Variants in LRCH1 observed in about 807,000 individuals in gnomAD.
The protein encoded by LRCH1 is leucine-rich repeat and calponin homology domain-containing protein 1.
Under a neutral mutation model 94.9 loss-of-function variants are expected in LRCH1, and 23 were observed. The observed-to-expected ratio is 0.24, with a 90% CI of 0.17 to 0.34. The LOEUF (loss-of-function observed/expected upper bound fraction) is 0.34, where lower values mean the gene tolerates loss of function less well. LRCH1 is among the 10% of genes least tolerant of loss of function. The pLI is 1.00. For missense variants in LRCH1, 790 were observed against 945.9 expected (o/e 0.84, Z 2.16); for synonymous variants, 364 against 354.9 (o/e 1.03, Z -0.29).
At chr13:46,621,519 T>C (rs2050879543) in intron 1 of LRCH1, among the ~76,000 whole-genome samples, 2 of 152,184 alleles carry the variant, frequency 1.3e-5, no homozygotes, top group African/African-American at 4.8e-5. Context: ...AATGGGTTAA[T>C]TGCAGTGGCA....
At chr13:46,683,320 A>G (rs1187152330) in intron 4 of LRCH1, among the ~76,000 whole-genome samples, 2 of 152,244 alleles carry the variant, frequency 1.3e-5, no homozygotes, top group South Asian at 2.1e-4. Context: ...TCCGCTTGCC[A>G]TCTTTCACCT....
exon 19 of LRCH1, chr13:46,750,734 C>A: frequency 1.2e-6 from 1 of 837,642 alleles, no homozygotes; most frequent in Non-Finnish European, 1.9e-6. Flanking sequence ...TCAACCCTCT[C>A]TCCCACCCAC....
intron 1 of LRCH1, among the ~76,000 whole-genome samples, chr13:46,641,416 C>T (rs1006289822): frequency 6.6e-6 from 1 of 152,154 alleles, no homozygotes; most frequent in Non-Finnish European, 1.5e-5. Context: ...AGGTTCCATG[C>T]ACTTTTGTGG....
At chr13:46,575,895 C>T (rs907624800) in intron 1 of LRCH1, among the ~76,000 whole-genome samples, 1 of 151,972 alleles carries the variant, frequency 6.6e-6, no homozygotes, top group Non-Finnish European at 1.5e-5. Flanking sequence ...ATTGAGAAGT[C>T]CAGAGGGAGA....
intron 3 of LRCH1, among the ~76,000 whole-genome samples, chr13:46,675,305 T>G (rs1439097176): frequency 1.3e-5 from 2 of 152,204 alleles, no homozygotes; most frequent in African/African-American, 4.8e-5. Flanking sequence ...AAGAAGAGTT[T>G]TCTCATTGGT....
chr13:46,666,257 A>C (rs2051514235), intron 2 of LRCH1, among the ~76,000 whole-genome samples: 1 of 152,248 alleles, frequency 6.6e-6, no homozygotes, highest in Non-Finnish European at 1.5e-5. Flanking sequence ...CCCCTCAAAG[A>C]GACCATGAAT....
At chr13:46,716,552 A>T (rs1424456748) in intron 16 of LRCH1, among the ~76,000 whole-genome samples, 3 of 152,222 alleles carry the variant, frequency 2.0e-5, no homozygotes, top group Non-Finnish European at 4.4e-5. Flanking sequence ...CAATGCAAAC[A>T]CAATGGAAAG....
chr13:46,621,181 T>C (rs762891691), intron 1 of LRCH1, among the ~76,000 whole-genome samples: 3 of 152,240 alleles, frequency 2.0e-5, no homozygotes, highest in Non-Finnish European at 4.4e-5. Flanking sequence ...GTGAATCAGA[T>C]ATTTCTCTGC....
In LRCH1 at chr13:46,681,810, A is replaced by C. The variant is rs918869161; in HGVS notation, c.649A>C (p.Asn217His). The change falls in exon 4 of 20, where the codon AAT (asparagine) becomes CAT (histidine). Residue 217 changes from asparagine (N) to histidine (H), a missense_variant. Asn to His is a moderately conservative substitution (Grantham distance 68). Around this residue, in one of 3 missense-constraint regions of LRCH1, gnomAD observed 194 missense variants for 293.5 expected, o/e 0.66. Transcript: ENST00000389797. The part of the protein sequence containing the change: ...IGQLKSLREL[N>H]VRRNYLKVLP... ...TCAGTTGAAATCTCTACGAGAACTG[A>C]ATGTCAGAAGAAATTACCTTAAAGT... 2 of 1,613,462 alleles carry C rather than the reference A, an allele frequency of 1.2e-6. No individual in the cohort carries two copies. The highest frequency in any genetic ancestry group is 2.7e-5 in the African/African-American group (2 of 74,898).
At chr13:46,582,679 T>TTTTTTTTTTTTTTA (rs1321060247) in intron 1 of LRCH1, among the ~76,000 whole-genome samples, 1 of 141,606 alleles carries the variant, frequency 7.1e-6, no homozygotes, top group Non-Finnish European at 1.5e-5. Flanking sequence ...TTTTGTATTT[T>TTTTTTTTTTTTTTA]TAGTAGAGAC....
chr13:46,561,566 A>G lies in LRCH1; in HGVS notation c.307+7863A>G, dbSNP rs77233830. On this transcript the variant is annotated intron_variant, in intron 1 of 19. Coordinates refer to ENST00000389797, the MANE Select transcript of LRCH1 (RefSeq NM_001164211.2). ...ATGTGTTCCTCTGTTATTCTTCCCT[A>G]TTTTTGATGTTTATGCCATACAGCG... Among the ~76,000 whole-genome samples, 40 of 152,212 alleles carry G rather than the reference A, an allele frequency of 2.6e-4. 1 individual carries two copies. In the East Asian group the frequency reaches 7.7e-3, roughly 29 times the overall value.
In LRCH1 at chr13:46,558,572, CAAAAAAAAAAAAA is replaced by C. The variant is rs575874794; in HGVS notation, c.307+4883_307+4895del. 1.2e-4 allele frequency among the ~76,000 whole-genome samples: 4 copies of C among 34,398 alleles called. No homozygotes were observed. The South Asian group carries it at 3.9e-3, about 34-fold the overall frequency. The allele number at this position is 34,398 out of a possible 152,430, so 22.6% of individuals were successfully genotyped here. ...CCAAGACGGTGAAACCCTGTGTCTA[CAAAAAAAAAAAAA>C]AAAAAAAAAAAAAGCTGGGTTCCTG... On this transcript the variant is annotated intron_variant, in intron 1 of 19. Transcript: ENST00000389797.
chr13:46,705,079 A>G lies in LRCH1; in HGVS notation c.1412A>G (p.Asp471Gly). ...TTCCTACTCTTTAGATTAAGCACAG[A>G]TATTACAGAGAGAAGTGTTTTAAAC... ...LLQDPNGLST[D>G]ITERSVLNLY... Residue 471 changes from aspartate (D) to glycine (G), a missense_variant, in exon 12 of 20, where the codon GAT (aspartate) becomes GGT (glycine). Physicochemically the swap from Asp to Gly is moderately conservative, Grantham distance 94 (BLOSUM62 -1). Transcript: ENST00000389797. 1 of 1,580,810 alleles carries G rather than the reference A, an allele frequency of 6.3e-7. No individual in the cohort carries two copies. The highest frequency in any genetic ancestry group is 8.6e-7 in the Non-Finnish European group (1 of 1,157,406).
downstream of LRCH1, among the ~76,000 whole-genome samples, chr13:46,747,704 ATTTG>A (rs566604458): frequency 1.2e-3 from 183 of 150,550 alleles, no homozygotes; most frequent in Non-Finnish European, 2.1e-3. Flanking sequence ...TTTCCTACTG[ATTTG>A]TTGAGCTTAT....
At chr13:46,610,928 G>GT (rs2138002474) in intron 1 of LRCH1, among the ~76,000 whole-genome samples, 1 of 152,300 alleles carries the variant, frequency 6.6e-6, no homozygotes, top group Non-Finnish European at 1.5e-5. Context: ...GGTACAGAAT[G>GT]TAATTTATCA....
At chr13:46,749,473 A>G (rs964537789), downstream of LRCH1, among the ~76,000 whole-genome samples, 1 of 152,216 alleles carries the variant, frequency 6.6e-6, no homozygotes, top group Non-Finnish European at 1.5e-5. Flanking sequence ...GAAAATTGAT[A>G]AAAGACTCTA....
At chr13:46,708,473 C>T (rs978756402) in intron 13 of LRCH1, among the ~76,000 whole-genome samples, 4 of 151,942 alleles carry the variant, frequency 2.6e-5, no homozygotes, top group Non-Finnish European at 5.9e-5. Context: ...GGTTTTGCCA[C>T]GTTGGCCAAG....
At chr13:46,652,510 T>C (rs188616237) in intron 2 of LRCH1, among the ~76,000 whole-genome samples, 181 of 152,320 alleles carry the variant, frequency 1.2e-3, no homozygotes, top group African/African-American at 4.1e-3. Context: ...CTCATATATC[T>C]AATCTTCACT....
intron 1 of LRCH1, among the ~76,000 whole-genome samples, chr13:46,609,675 C>A (rs1360476315): frequency 1.3e-5 from 2 of 152,182 alleles, no homozygotes; most frequent in African/African-American, 4.8e-5. Flanking sequence ...AATGTGCTTA[C>A]TGGGTGAACA....
Sources: allele counts gnomAD v4.1 joint callset (sites outside exome capture counted in the v4.1 genomes callset), GRCh38; gene constraint gnomAD v4.1.1; regional missense constraint gnomAD v4.1.1; transcripts MANE v1.5; gene names NCBI Gene and HGNC (gene_info 2026-07-23, HGNC 2026-07-21).